TRDN: variants seen among roughly 807,000 people sequenced by gnomAD.
TRDN encodes triadin.
TRDN carries 161 observed loss-of-function variants against 149.7 expected under a neutral mutation model. The observed-to-expected ratio is 1.08, with a 90% CI of 0.95 to 1.23. TRDN has a LOEUF of 1.23. Ranked by LOEUF, TRDN falls within the 50% of genes most tolerant of loss-of-function variation. TRDN has a pLI of 0.00. For synonymous variants in TRDN, 294 were observed against 250.5 expected, an observed-to-expected ratio of 1.17 and a Z score of -1.64; for missense variants, 896 against 823.5, an observed-to-expected ratio of 1.09 and a Z score of -1.08.
Position 123,388,557 on chromosome 6 carries a change from G to A in TRDN, c.1106-6C>T. ...TTCATCCTTCTTAGCTGCTGCTGAA[G>A]TAATGAAAATAGCGTTAAGGCATAT... On this transcript the variant is annotated splice_polypyrimidine_tract_variant and splice_region_variant and intron_variant, in intron 13 of 40. Transcript: ENST00000334268. The A allele has an allele frequency of 6.3e-7, 1 of 1,582,782 alleles. No homozygotes were observed. Among genetic ancestry groups the A allele is most frequent in the Non-Finnish European group, 8.6e-7 (1 of 1,162,124 alleles).
chr6:123,552,590 C>T (rs926320706), intron 2 of TRDN, among the ~76,000 whole-genome samples: 4 of 152,084 alleles, frequency 2.6e-5, no homozygotes, highest in African/African-American at 9.7e-5. Context: ...TATATTGAAA[C>T]AAAAGGAGAA....
At chr6:123,429,377 T>C (rs183093963) in intron 12 of TRDN, among the ~76,000 whole-genome samples, 20 of 152,316 alleles carry the variant, frequency 1.3e-4, no homozygotes, top group Admixed American at 7.2e-4. Flanking sequence ...AAAATGAATC[T>C]ATACTGGCAG....
intron 12 of TRDN, among the ~76,000 whole-genome samples, chr6:123,422,932 A>C (rs1247755291): frequency 6.6e-6 from 1 of 152,150 alleles, no homozygotes; most frequent in Non-Finnish European, 1.5e-5. Context: ...TTAGGAAAAA[A>C]TTAGTAAAAA....
At position 123,570,922 on chromosome 6, in the gene TRDN, C is replaced by T; in HGVS notation, c.232+1G>A. 4 of 1,613,006 alleles carry T rather than the reference C, an allele frequency of 2.5e-6. No individual in the cohort carries two copies. The highest frequency in any genetic ancestry group is 3.4e-6 in the Non-Finnish European group (4 of 1,179,210). The stretch of plus-strand genomic sequence containing the variant: ...TTAAAGCCAAATTTTATGGAACTTA[C>T]CTGAAAAGTTTTTGTAATCCACTAA... On this transcript the variant is annotated splice_donor_variant, in intron 2 of 40. Coordinates refer to ENST00000334268, the MANE Select transcript of TRDN (RefSeq NM_006073.4). LOFTEE classifies it high-confidence loss of function.
chr6:123,586,770 A>G (rs572149651), intron 1 of TRDN, among the ~76,000 whole-genome samples: 100 of 151,868 alleles, frequency 6.6e-4, no homozygotes, highest in African/African-American at 2.3e-3. Flanking sequence ...AGTGAAGGAG[A>G]CAAACCCAGA....
intron 36 of TRDN, among the ~76,000 whole-genome samples, chr6:123,255,425 A>T (rs1246897042): frequency 2.2e-4 from 34 of 152,196 alleles, no homozygotes; most frequent in Non-Finnish European, 7.4e-5. Flanking sequence ...TTTGTTATTG[A>T]CAATAATTCT....
intron 10 of TRDN, among the ~76,000 whole-genome samples, chr6:123,449,141 G>A (rs1417697378): frequency 2.0e-5 from 3 of 152,018 alleles, no homozygotes; most frequent in Non-Finnish European, 4.4e-5. Context: ...AACCAACGCT[G>A]GTAATATGAC....
Position 123,216,923 on chromosome 6 carries a change from G to A in TRDN, c.*1678C>T, listed in dbSNP as rs1196657569. 1 of 151,882 alleles carries A rather than the reference G, an allele frequency of 6.6e-6. No individual in the cohort carries two copies. Among genetic ancestry groups the A allele is most frequent in the African/African-American group, 2.4e-5 (1 of 41,382 alleles). The allele number at this position is 151,882 out of a possible 1,614,324, so 9.4% of individuals were successfully genotyped here. ...GAAATCTAAAACATCTATCATATTTGCTATTTCTTTACTCAGTAAATTCAG... is the reference window on the plus strand; with the variant it reads ...GAAATCTAAAACATCTATCATATTTACTATTTCTTTACTCAGTAAATTCAG... On this transcript the variant is annotated 3_prime_UTR_variant, in exon 41 of 41. Transcript: ENST00000334268.
chr6:123,399,926 T>C (rs1007495952), intron 12 of TRDN, among the ~76,000 whole-genome samples: 9 of 151,996 alleles, frequency 5.9e-5, no homozygotes, highest in African/African-American at 1.9e-4. Context: ...AGAATACACT[T>C]TCTAGAACAG....
chr6:123,304,252 C>CTTTTCTTT (rs1778526054), intron 24 of TRDN, among the ~76,000 whole-genome samples: 1 of 128,956 alleles, frequency 7.8e-6, no homozygotes, highest in Non-Finnish European at 1.6e-5. Context: ...CTTTTATTTT[C>CTTTTCTTT]TTTTTTTTTT....
chr6:123,230,401 G>T (rs575785192), intron 38 of TRDN, among the ~76,000 whole-genome samples: 3 of 151,930 alleles, frequency 2.0e-5, no homozygotes, highest in Middle Eastern at 3.4e-3. Context: ...GTGGGAGGAG[G>T]GGGGAGGGAT....
intron 4 of TRDN, among the ~76,000 whole-genome samples, chr6:123,536,249 A>G (rs981355038): frequency 1.3e-5 from 2 of 152,130 alleles, no homozygotes; most frequent in Admixed American, 6.6e-5. Context: ...TCCACATTAA[A>G]TTTTCAATGC....
At chr6:123,300,398 C>G (rs964347166) in intron 24 of TRDN, among the ~76,000 whole-genome samples, 4 of 151,852 alleles carry the variant, frequency 2.6e-5, no homozygotes, top group Admixed American at 2.0e-4. Flanking sequence ...ACACTGTTTA[C>G]AGTATATGCA....
chr6:123,249,037 T>G lies in TRDN; in HGVS notation c.1975+3375A>C, dbSNP rs189432469. Among the ~76,000 whole-genome samples, 90 of 152,236 alleles carry G rather than the reference T, an allele frequency of 5.9e-4. No individual in the cohort carries two copies. In the East Asian group the frequency reaches 0.016, roughly 27 times the overall value. ...CTACACCATGACCAAGTAGGATTCA[T>G]CCCAGGGATGCAAGGATGGCTCAAC... On this transcript the variant is annotated intron_variant, in intron 38 of 40. Coordinates refer to ENST00000334268, the MANE Select transcript of TRDN (RefSeq NM_006073.4).
At chr6:123,615,443 C>A (rs893255850) in intron 1 of TRDN, among the ~76,000 whole-genome samples, 1 of 151,442 alleles carries the variant, frequency 6.6e-6, no homozygotes. Flanking sequence ...GTGGTGTATG[C>A]GTCTGTGTGT....
rs150766841 is a variant in TRDN, at chr6:123,592,910, T to C, written c.23-21778A>G. ...GAAAAACAGTTTAGGAATCATTTTTTTCTTGCATAAAAATCACTTTCTTTT... is the reference window on the plus strand; with the variant it reads ...GAAAAACAGTTTAGGAATCATTTTTCTCTTGCATAAAAATCACTTTCTTTT... On this transcript the variant is annotated intron_variant, in intron 1 of 40. Coordinates refer to ENST00000334268, the MANE Select transcript of TRDN (RefSeq NM_006073.4). 4.0e-3 allele frequency among the ~76,000 whole-genome samples: 607 copies of C among 152,284 alleles called. 3 individuals carry two copies. The highest frequency in any genetic ancestry group is 0.014 in the African/African-American group (578 of 41,574).
At chr6:123,558,719 C>T (rs1781813229) in intron 2 of TRDN, among the ~76,000 whole-genome samples, 1 of 152,182 alleles carries the variant, frequency 6.6e-6, no homozygotes, top group African/African-American at 2.4e-5. Context: ...CACAACAGGA[C>T]TTAATTAACC....
At chr6:123,387,896 A>G (rs1161739795) in intron 14 of TRDN, among the ~76,000 whole-genome samples, 1 of 152,132 alleles carries the variant, frequency 6.6e-6, no homozygotes, top group Non-Finnish European at 1.5e-5. Flanking sequence ...GCTGATACCA[A>G]TATTTCAGTC....
chr6:123,374,623 T>C (rs1191475260), intron 19 of TRDN, among the ~76,000 whole-genome samples: 3 of 152,040 alleles, frequency 2.0e-5, no homozygotes, highest in African/African-American at 7.2e-5. Context: ...ATTTTTCAAT[T>C]TTTATCTGAT....
Sources: allele counts gnomAD v4.1 joint callset (sites outside exome capture counted in the v4.1 genomes callset), GRCh38; gene constraint gnomAD v4.1.1; transcripts MANE v1.5; gene names NCBI Gene and HGNC (gene_info 2026-07-23, HGNC 2026-07-21).